The following PRICKLE2 variants were observed in gnomAD, a reference collection of about 807,000 sequenced individuals.
PRICKLE2 encodes prickle planar cell polarity protein 2.
Under a neutral mutation model 81.4 loss-of-function variants are expected in PRICKLE2, and 21 were observed. The observed-to-expected ratio is 0.26, with a 90% confidence interval of 0.18 to 0.37. PRICKLE2 has a LOEUF of 0.37. Among genes scored for constraint, PRICKLE2 ranks in the 10% least tolerant of loss-of-function variants. PRICKLE2 has a pLI of 1.00. For synonymous variants in PRICKLE2, 456 were observed against 421.5 expected (o/e 1.08, Z -1.00); for missense variants, 940 against 1,109.0 (o/e 0.85, Z 2.16).
intron 1 of PRICKLE2, among the ~76,000 whole-genome samples, chr3:64,209,265 C>A (rs557298926): frequency 3.8e-4 from 58 of 152,126 alleles, no homozygotes; most frequent in African/African-American, 1.4e-3. Context: ...TAAATACAGC[C>A]ATATCTATCC....
chr3:64,188,021 T>C (rs1003553876), intron 2 of PRICKLE2, among the ~76,000 whole-genome samples: 3 of 152,214 alleles, frequency 2.0e-5, no homozygotes, highest in South Asian at 2.1e-4. Context: ...TTGGGTGATA[T>C]CCAGGGCATG....
chr3:64,129,657 G>C (rs1406551480), intron 7 of PRICKLE2, among the ~76,000 whole-genome samples: 1 of 152,128 alleles, frequency 6.6e-6, no homozygotes, highest in African/African-American at 2.4e-5. Context: ...GGAGAAGAGA[G>C]ACCCATTGAG....
At position 64,096,300 on chromosome 3, in the gene PRICKLE2, C is replaced by T. The variant is rs897853423; in HGVS notation, c.*2751G>A. 4 of 152,142 alleles carry T rather than the reference C, an allele frequency of 2.6e-5. No individual in the cohort carries two copies. The highest frequency in any genetic ancestry group is 1.3e-4 in the Admixed American group (2 of 15,272). 9.4% of individuals were successfully genotyped at this position (152,142 alleles called of 1,614,324 possible). On this transcript the variant is annotated 3_prime_UTR_variant, in exon 8 of 8. Transcript: ENST00000638394. ...GCCCTACTCACAGGAGGAGCTTGTC[C>T]AATAAGAGTTAATGGTTGTGATGGA... is the stretch of plus-strand genomic sequence containing the variant.
At chr3:64,108,530 T>G (rs1244048967) in intron 7 of PRICKLE2, among the ~76,000 whole-genome samples, 2 of 151,232 alleles carry the variant, frequency 1.3e-5, no homozygotes, top group Non-Finnish European at 2.9e-5. Flanking sequence ...AGGCTGGGGG[T>G]GGGGACAGAA....
chr3:64,135,106 G>A (rs993224958), intron 7 of PRICKLE2, among the ~76,000 whole-genome samples: 4 of 152,136 alleles, frequency 2.6e-5, no homozygotes, highest in Admixed American at 6.5e-5. Flanking sequence ...TAACACCCTC[G>A]GTGGGGGCAG....
intron 4 of PRICKLE2, among the ~76,000 whole-genome samples, chr3:64,158,343 C>T (rs906092255): frequency 2.6e-5 from 4 of 152,204 alleles, no homozygotes; most frequent in Non-Finnish European, 4.4e-5. Context: ...AACTCATCCA[C>T]GTGTGTGACT....
At chr3:64,152,040 G>A (rs1291390052) in intron 6 of PRICKLE2, among the ~76,000 whole-genome samples, 1 of 152,204 alleles carries the variant, frequency 6.6e-6, no homozygotes, top group Non-Finnish European at 1.5e-5. Context: ...TAGCTGTCTT[G>A]TCCACAAAGC....
intron 7 of PRICKLE2, among the ~76,000 whole-genome samples, chr3:64,143,844 A>C (rs2077401770): frequency 6.6e-6 from 1 of 152,222 alleles, no homozygotes; most frequent in Non-Finnish European, 1.5e-5. Context: ...TAGCACATAA[A>C]TCTTTCGAGA....
intron 1 of PRICKLE2, among the ~76,000 whole-genome samples, chr3:64,204,078 T>C (rs2078638648): frequency 6.6e-6 from 1 of 152,168 alleles, no homozygotes; most frequent in Non-Finnish European, 1.5e-5. Context: ...TACCAAGGCC[T>C]GCTCTAGGTA....
At chr3:64,228,056 C>A (rs943421794), upstream of PRICKLE2, among the ~76,000 whole-genome samples, 1 of 152,098 alleles carries the variant, frequency 6.6e-6, no homozygotes, top group Non-Finnish European at 1.5e-5. Flanking sequence ...GACCAAGAGG[C>A]GGGCTCCCTC....
rs1197423160 is a variant in PRICKLE2, at chr3:64,249,418, A to G, written c.129-50451T>C. ...TTCGACATGAGATTTGGGTGGGGAC[A>G]CAGAGCCAAACCATATCACAATCCA... On this transcript the variant is annotated intron_variant, in intron 2 of 8. Coordinates refer to the PRICKLE2 transcript ENST00000295902. Among the ~76,000 whole-genome samples, 6 of 152,222 alleles carry G rather than the reference A, an allele frequency of 3.9e-5. No individual in the cohort carries two copies. In the East Asian group the frequency reaches 9.6e-4, roughly 24 times the overall value.
chr3:64,123,449 TCAA>T (rs2077060286), intron 7 of PRICKLE2, among the ~76,000 whole-genome samples: 1 of 152,214 alleles, frequency 6.6e-6, no homozygotes, highest in Admixed American at 6.5e-5. Context: ...TTAGTGATGC[TCAA>T]CTGGTAAGCC....
In PRICKLE2 at chr3:64,092,789, A is replaced by T. The variant is rs902873835; in HGVS notation, c.*6262T>A. 6.6e-6 allele frequency: 1 copy of T among 152,236 alleles called. No homozygotes were observed. The highest frequency in any genetic ancestry group is 2.4e-5 in the African/African-American group (1 of 41,456). The allele number at this position is 152,236 out of a possible 1,614,324, so 9.4% of individuals were successfully genotyped here. A position where few individuals can be genotyped will look rare whatever the true frequency, so the allele number is the denominator to read the frequency against. On this transcript the variant is annotated 3_prime_UTR_variant, in exon 8 of 8. Transcript: ENST00000638394. ...TTTCAAGAATTCTCAAGGAACAAAG[A>T]CACTAAGAAGGCAATGCATTGAAAC...
At chr3:64,168,522 C>CTATT (rs2077873517) in intron 2 of PRICKLE2, among the ~76,000 whole-genome samples, 1 of 152,214 alleles carries the variant, frequency 6.6e-6, no homozygotes, top group Admixed American at 6.5e-5. Context: ...GGTCATCGAA[C>CTATT]TATTGACTTA....
chr3:64,192,741 G>A (rs1031444246), intron 2 of PRICKLE2, among the ~76,000 whole-genome samples: 1 of 152,164 alleles, frequency 6.6e-6, no homozygotes, highest in Non-Finnish European at 1.5e-5. Flanking sequence ...TCCTTCCTGC[G>A]ACAGTTTGAA....
chr3:64,201,220 C>A (rs933197194), intron 1 of PRICKLE2, among the ~76,000 whole-genome samples: 21 of 152,144 alleles, frequency 1.4e-4, no homozygotes, highest in African/African-American at 5.1e-4. Flanking sequence ...TGAGCCACCA[C>A]GCCTGGCCAA....
chr3:64,249,089 T>C (rs1003786652), intron 2 of PRICKLE2, among the ~76,000 whole-genome samples: 9 of 152,204 alleles, frequency 5.9e-5, no homozygotes, highest in African/African-American at 2.2e-4. Flanking sequence ...AAGAACTACC[T>C]GAGACTGGGC....
intron 1 of PRICKLE2, among the ~76,000 whole-genome samples, chr3:64,201,817 C>T (rs143451932): frequency 3.5e-4 from 54 of 152,152 alleles, no homozygotes; most frequent in South Asian, 3.5e-3. Context: ...TTGCATAACT[C>T]ACGGTCATAA....
chr3:64,112,338 C>T (rs2076861577), intron 7 of PRICKLE2, among the ~76,000 whole-genome samples: 1 of 152,162 alleles, frequency 6.6e-6, no homozygotes, highest in Non-Finnish European at 1.5e-5. Context: ...ACAATGTACT[C>T]CTTTAGGCTT....
Sources: allele counts gnomAD v4.1 joint callset (sites outside exome capture counted in the v4.1 genomes callset), GRCh38; gene constraint gnomAD v4.1.1; transcripts MANE v1.5; gene names NCBI Gene and HGNC (gene_info 2026-07-23, HGNC 2026-07-21).